GPHN: variants seen among roughly 807,000 people sequenced by gnomAD.
The protein encoded by GPHN is gephyrin.
GPHN carries 17 observed loss-of-function variants against 95.5 expected under a neutral mutation model. The ratio of observed to expected loss-of-function variants is 0.18; its 90% CI spans 0.12 to 0.27. The LOEUF (loss-of-function observed/expected upper bound fraction) is 0.27. GPHN is among the 10% of genes least tolerant of loss of function. The pLI is 1.00. For missense variants in GPHN, 660 were observed against 978.1 expected (o/e 0.67, Z 4.34); for synonymous variants, 320 against 322.5 (o/e 0.99, Z 0.08).
chr14:66,787,903 A>G (rs1179229721), intron 3 of GPHN, among the ~76,000 whole-genome samples: 2 of 151,632 alleles, frequency 1.3e-5, no homozygotes, highest in African/African-American at 2.4e-5. Context: ...AAAAAAGCAA[A>G]AGTCTTTACG....
At chr14:67,122,884 A>G (rs1048354757) in intron 17 of GPHN, among the ~76,000 whole-genome samples, 8 of 152,174 alleles carry the variant, frequency 5.3e-5, no homozygotes, top group African/African-American at 1.9e-4. Context: ...CAATGACTAT[A>G]ATTACTCAAT....
intron 1 of GPHN, among the ~76,000 whole-genome samples, chr14:66,583,730 G>A (rs1395602367): frequency 2.0e-5 from 3 of 152,096 alleles, no homozygotes; most frequent in Admixed American, 2.0e-4. Context: ...GCTGTGTTCT[G>A]TTCCAGTGGT....
At chr14:66,583,164 T>C (rs1421652677) in intron 1 of GPHN, among the ~76,000 whole-genome samples, 5 of 152,302 alleles carry the variant, frequency 3.3e-5, no homozygotes, top group Admixed American at 3.3e-4. Flanking sequence ...CATGTGTTTT[T>C]TGGCTGCATA....
At chr14:66,733,546 C>G (rs939116150) in intron 2 of GPHN, among the ~76,000 whole-genome samples, 1 of 152,052 alleles carries the variant, frequency 6.6e-6, no homozygotes, top group African/African-American at 2.4e-5. Context: ...ATTTCTTATG[C>G]TAGTTTCTCT....
chr14:67,627,570 G>T, the GPHN span, among the ~76,000 whole-genome samples: 1 of 152,260 alleles, frequency 6.6e-6, no homozygotes, highest in Non-Finnish European at 1.5e-5. Flanking sequence ...GCAAATATCA[G>T]TGATGTTTCT....
At chr14:67,348,952 A>G in the GPHN span, 6 of 1,282,006 alleles carry the variant, frequency 4.7e-6, no homozygotes, top group East Asian at 7.1e-5. Context: ...AAACTAGGAC[A>G]TTAAGATCTT....
intron 13 of GPHN, among the ~76,000 whole-genome samples, chr14:67,103,630 G>A (rs991211474): frequency 5.2e-5 from 6 of 115,956 alleles, no homozygotes; most frequent in Non-Finnish European, 7.1e-5. Flanking sequence ...AATTTTTTTT[G>A]TAGTTATTAT....
chr14:66,733,848 T>C (rs1489608530), intron 2 of GPHN, among the ~76,000 whole-genome samples: 1 of 152,196 alleles, frequency 6.6e-6, no homozygotes, highest in African/African-American at 2.4e-5. Flanking sequence ...AGGAGGTATT[T>C]TGGATGAAAA....
At chr14:67,495,314 C>T in the GPHN span, among the ~76,000 whole-genome samples, 1 of 152,168 alleles carries the variant, frequency 6.6e-6, no homozygotes, top group Non-Finnish European at 1.5e-5. Flanking sequence ...CCTCCTCCTC[C>T]CAGGATCAAC....
the GPHN span, among the ~76,000 whole-genome samples, chr14:67,553,638 C>A: frequency 3.3e-5 from 5 of 152,220 alleles, no homozygotes; most frequent in African/African-American, 9.7e-5. Context: ...TGGGGGCCAC[C>A]ACTATGTATC....
Position 66,944,792 on chromosome 14 carries a change from C to A in GPHN, c.829-20399C>A, listed in dbSNP as rs180788714. Among the ~76,000 whole-genome samples, 74 of 152,376 alleles carry A rather than the reference C, an allele frequency of 4.9e-4. 1 individual carries two copies. The highest frequency in any genetic ancestry group is 4.6e-3 in the Admixed American group (70 of 15,308). On this transcript the variant is annotated intron_variant, in intron 8 of 22. Transcript: ENST00000478722. ...TTAATCACTTTCCCACAGAGTGAAA[C>A]CCCTTTCCCTGGGGAGGGGAAGGCT... is the stretch of plus-strand genomic sequence containing the variant.
chr14:66,888,138 A>G (rs149049337), intron 5 of GPHN, among the ~76,000 whole-genome samples: 14 of 152,326 alleles, frequency 9.2e-5, no homozygotes, highest in African/African-American at 2.9e-4. Context: ...AACGTAGAAC[A>G]TCTACATAAT....
chr14:67,587,132 A>AC, the GPHN span: 149 of 1,613,186 alleles, frequency 9.2e-5, no homozygotes, highest in Middle Eastern at 3.3e-4. Flanking sequence ...ACAACTGTGA[A>AC]CCCCCCCACC....
At chr14:67,586,013 C>T in the GPHN span, 3 of 1,613,916 alleles carry the variant, frequency 1.9e-6, no homozygotes, top group Non-Finnish European at 2.5e-6. Flanking sequence ...GGGATGACTT[C>T]ATGCTTGTGA....
the GPHN span, among the ~76,000 whole-genome samples, chr14:67,661,707 T>G: frequency 6.7e-6 from 1 of 148,982 alleles, no homozygotes; most frequent in Non-Finnish European, 1.5e-5. Flanking sequence ...AATTTTTTTT[T>G]GTTTGGTAGA....
the GPHN span, chr14:67,559,597 C>CT: frequency 6.4e-7 from 1 of 1,570,894 alleles, no homozygotes; most frequent in Non-Finnish European, 8.7e-7. Context: ...AAGGCCCTCT[C>CT]TTTCTTGCAG....
chr14:67,277,681 T>C, the GPHN span, among the ~76,000 whole-genome samples: 1 of 152,176 alleles, frequency 6.6e-6, no homozygotes, highest in Non-Finnish European at 1.5e-5. Context: ...GAGAAATAGC[T>C]TGATGAAAAG....
chr14:67,288,102 CAG>C, the GPHN span, among the ~76,000 whole-genome samples: 9 of 151,992 alleles, frequency 5.9e-5, no homozygotes, highest in East Asian at 1.7e-3. Flanking sequence ...TCCTTCGAGA[CAG>C]AGTCTCACTC....
chr14:67,280,957 T>C, the GPHN span, among the ~76,000 whole-genome samples: 1 of 150,090 alleles, frequency 6.7e-6, no homozygotes, highest in Non-Finnish European at 1.5e-5. Context: ...AGTGCAGTGG[T>C]GCAATCTTCG....
Sources: gnomAD v4.1 joint callset for allele counts (sites outside exome capture counted in the v4.1 genomes callset) on GRCh38, gnomAD v4.1.1 for gene constraint, MANE v1.5 for transcripts, NCBI Gene and HGNC (gene_info 2026-07-23, HGNC 2026-07-21) for gene names.